The following SOX5 variants were observed in gnomAD, a reference collection of about 807,000 sequenced individuals.
SOX5 encodes SRY-box transcription factor 5.
SOX5 carries 9 observed loss-of-function variants against 92.0 expected under a neutral mutation model. That is an observed-to-expected ratio of 0.10 (90% confidence interval 0.06 to 0.17). SOX5 has a LOEUF of 0.17. SOX5 is among the 10% of genes least tolerant of loss of function. SOX5 has a pLI of 1.00. For missense variants in SOX5, 642 were observed against 944.5 expected (o/e 0.68, Z 4.20); for synonymous variants, 344 against 336.3 (o/e 1.02, Z -0.25).
Position 24,374,591 on chromosome 12 carries a change from G to A in SOX5, c.-250-5952C>T, listed in dbSNP as rs183529142. On this transcript the variant is annotated intron_variant, in intron 1 of 4. Coordinates refer to the SOX5 transcript ENST00000446891. Reference sequence around the variant, plus strand: ...GAAGCCCTGGCATGGGGAGAAAAGGGGGAACCTCAAGTCCAAAGGCAATGG... The same window carrying A: ...GAAGCCCTGGCATGGGGAGAAAAGGAGGAACCTCAAGTCCAAAGGCAATGG... 3.3e-5 allele frequency among the ~76,000 whole-genome samples: 5 copies of A among 152,192 alleles called. No individual in the cohort carries two copies. In the East Asian group the frequency reaches 9.7e-4, roughly 29 times the overall value.
rs758001783 is a variant in SOX5, at chr12:23,970,841, A to AATATATATATATATATATATATATTT, written c.-1-74818_-1-74817insAAATATATATATATATATATATATAT. ...ACATGGGACTTTATATATATATATA[A>AATATATATATATATATATATATATTT]TTTTTTTTTTTTTTTAAGAAATGGG... On this transcript the variant is annotated intron_variant, in intron 4 of 4. Coordinates refer to the SOX5 transcript ENST00000446891. Among the ~76,000 whole-genome samples the AATATATATATATATATATATATATTT allele has an allele frequency of 1.4e-4, 3 of 21,878 alleles. 1 individual carries two copies. Among genetic ancestry groups the AATATATATATATATATATATATATTT allele is most frequent in the African/African-American group, 3.7e-4 (3 of 8,024 alleles). 14.4% of individuals were successfully genotyped at this position (21,878 alleles called of 152,430 possible). A position where few individuals can be genotyped will look rare whatever the true frequency, so the allele number is the denominator to read the frequency against.
chr12:23,606,357 A>C (rs1592511200), intron 8 of SOX5, among the ~76,000 whole-genome samples: 1 of 151,894 alleles, frequency 6.6e-6, no homozygotes, highest in East Asian at 1.9e-4. Flanking sequence ...TCTTGTCTTT[A>C]AAAATGATTT....
chr12:24,036,073 CTT>C (rs1482574839), intron 4 of SOX5, among the ~76,000 whole-genome samples: 2 of 151,942 alleles, frequency 1.3e-5, no homozygotes, highest in African/African-American at 2.4e-5. Context: ...AAGGCTTTAA[CTT>C]AAGTGATAAA....
chr12:23,730,678 A>G (rs764381706), intron 6 of SOX5, among the ~76,000 whole-genome samples: 3 of 152,336 alleles, frequency 2.0e-5, no homozygotes, highest in Admixed American at 2.0e-4. Context: ...AAGAAATAAA[A>G]ATAGTTCATA....
At chr12:24,356,281 T>G (rs1186984836) in intron 2 of SOX5, among the ~76,000 whole-genome samples, 5 of 152,190 alleles carry the variant, frequency 3.3e-5, no homozygotes, top group Non-Finnish European at 2.9e-5. Flanking sequence ...GGTGCAGGGA[T>G]GGTAGGTAGG....
chr12:24,286,687 G>A (rs1945907227), intron 2 of SOX5, among the ~76,000 whole-genome samples: 1 of 152,170 alleles, frequency 6.6e-6, no homozygotes, highest in Admixed American at 6.5e-5. Flanking sequence ...ACAGGTGAGA[G>A]CCACTGCATC....
intron 4 of SOX5, among the ~76,000 whole-genome samples, chr12:24,006,160 G>T (rs1952137170): frequency 6.6e-6 from 1 of 152,000 alleles, no homozygotes; most frequent in African/African-American, 2.4e-5. Flanking sequence ...AGCATCCAGT[G>T]GTCACTCTTA....
chr12:24,016,482 C>G (rs138861200), intron 4 of SOX5, among the ~76,000 whole-genome samples: 2 of 152,076 alleles, frequency 1.3e-5, no homozygotes, highest in African/African-American at 2.4e-5. Flanking sequence ...AAAGCATTAA[C>G]CCCTTGGTCA....
At chr12:24,524,480 T>C (rs1750674871) in intron 1 of SOX5, among the ~76,000 whole-genome samples, 1 of 151,908 alleles carries the variant, frequency 6.6e-6, no homozygotes, top group Admixed American at 6.6e-5. Flanking sequence ...GAGGTGAATA[T>C]CTGAAATATA....
At chr12:23,837,965 T>A (rs1478211878) in intron 3 of SOX5, among the ~76,000 whole-genome samples, 220 of 124,308 alleles carry the variant, frequency 1.8e-3, no homozygotes, top group African/African-American at 6.6e-3. Flanking sequence ...TATATGTTTA[T>A]ATTTATATAA....
chr12:24,491,383 A>G (rs1947057936), intron 1 of SOX5, among the ~76,000 whole-genome samples: 1 of 151,968 alleles, frequency 6.6e-6, no homozygotes, highest in Non-Finnish European at 1.5e-5. Context: ...CTTTTACTAT[A>G]CCAATCATGA....
At chr12:23,620,484 G>A (rs544456432) in intron 8 of SOX5, among the ~76,000 whole-genome samples, 9 of 152,020 alleles carry the variant, frequency 5.9e-5, no homozygotes, top group African/African-American at 1.9e-4. Flanking sequence ...AACATTCTGA[G>A]CCTCATCTTT....
intron 6 of SOX5, among the ~76,000 whole-genome samples, chr12:23,710,368 C>T (rs2091921528): frequency 6.6e-6 from 1 of 152,092 alleles, no homozygotes; most frequent in South Asian, 2.1e-4. Flanking sequence ...TTAGGTATAT[C>T]TCCTAATGCT....
At chr12:23,783,125 G>A (rs2095314486) in intron 3 of SOX5, among the ~76,000 whole-genome samples, 1 of 152,038 alleles carries the variant, frequency 6.6e-6, no homozygotes, top group Non-Finnish European at 1.5e-5. Flanking sequence ...GGCATATACT[G>A]TCTGAAATAA....
rs1187840068 is a variant in SOX5 at position 24,102,885 on chromosome 12, A to G, written c.-2+110458T>C. Among the ~76,000 whole-genome samples, 3 of 152,208 alleles carry G rather than the reference A, an allele frequency of 2.0e-5. No individual in the cohort carries two copies. In the East Asian group the frequency reaches 5.8e-4, roughly 29 times the overall value. Reference sequence around the variant, plus strand: ...CTTTGTTCCAAGCTATTAACCTATGACAGAAGACTGTGGAGATAAGATTTC... The same window carrying G: ...CTTTGTTCCAAGCTATTAACCTATGGCAGAAGACTGTGGAGATAAGATTTC... On this transcript the variant is annotated intron_variant, in intron 4 of 4. Coordinates refer to the SOX5 transcript ENST00000446891.
chr12:24,098,532 A>T (rs1178176868), intron 4 of SOX5, among the ~76,000 whole-genome samples: 1 of 152,196 alleles, frequency 6.6e-6, no homozygotes, highest in Non-Finnish European at 1.5e-5. Context: ...ACAAGTTTAG[A>T]GAACGGTCCA....
intron 3 of SOX5, among the ~76,000 whole-genome samples, chr12:23,775,624 G>A (rs1251769545): frequency 6.6e-6 from 1 of 152,158 alleles, no homozygotes. Flanking sequence ...GGTCTACAGA[G>A]TTCTACAAGA....
chr12:24,554,879 A>G (rs1307631251), intron 1 of SOX5, among the ~76,000 whole-genome samples: 1 of 152,192 alleles, frequency 6.6e-6, no homozygotes, highest in Non-Finnish European at 1.5e-5. Context: ...CTTTTCTCAG[A>G]TGTTGTTCTC....
chr12:23,838,145 T>C (rs962591526), intron 3 of SOX5, among the ~76,000 whole-genome samples: 24 of 142,384 alleles, frequency 1.7e-4, no homozygotes, highest in African/African-American at 6.1e-4. Context: ...ATATTACATA[T>C]ATTTATATTT....
Sources: gnomAD v4.1 joint callset for allele counts (sites outside exome capture counted in the v4.1 genomes callset) on GRCh38, gnomAD v4.1.1 for gene constraint, MANE v1.5 for transcripts, NCBI Gene and HGNC (gene_info 2026-07-23, HGNC 2026-07-21) for gene names.